PSMB1: variants seen among roughly 807,000 people sequenced by gnomAD.
The protein encoded by PSMB1 is proteasome 20S subunit beta 1, also known as proteasome subunit beta type-1.
A neutral mutation model predicts 25.4 loss-of-function variants in PSMB1; 7 were observed. That is an observed-to-expected ratio of 0.28 (90% CI 0.16 to 0.52). The LOEUF is 0.52. PSMB1 is among the 20% of genes least tolerant of loss of function. The probability of loss-of-function intolerance (pLI) is 0.97; values close to 1 mark genes in which losing one functional copy is unlikely to be tolerated. For synonymous variants in PSMB1, 119 were observed against 115.0 expected, an observed-to-expected ratio of 1.03 and a Z score of -0.22; for missense variants, 284 against 302.2, an observed-to-expected ratio of 0.94 and a Z score of 0.45.
At chr6:170,538,621 C>T (rs1778721842) in intron 4 of PSMB1, among the ~76,000 whole-genome samples, 1 of 152,188 alleles carries the variant, frequency 6.6e-6, no homozygotes, top group African/African-American at 2.4e-5. Context: ...ATCGCTTGAA[C>T]CCAGGAGGCG....
chr6:170,552,716 G>C (rs1055489045), intron 1 of PSMB1, among the ~76,000 whole-genome samples: 2 of 152,186 alleles, frequency 1.3e-5, no homozygotes, highest in African/African-American at 4.8e-5. Context: ...AGTTTCAGAC[G>C]CTAACCCTCT....
At chr6:170,535,539 G>C (rs1778679872) in intron 5 of PSMB1, 134 bp from the exon 6 acceptor site, 2 of 785,796 alleles carry the variant, frequency 2.5e-6, no homozygotes, top group Admixed American at 2.8e-5. Flanking sequence ...ATGTCCTTCA[G>C]ACTGAATAAA....
chr6:170,538,178 G>A lies in PSMB1; in HGVS notation c.434-838C>T, dbSNP rs187909379. 2.0e-5 allele frequency among the ~76,000 whole-genome samples: 3 copies of A among 152,286 alleles called. No homozygotes were observed. The East Asian group carries it at 5.8e-4, about 29-fold the overall frequency. ...CTATCTTATTTGAGTTTGTTACAAA[G>A]AACACAGGTGATTCTACAATCGTTA... On this transcript the variant is annotated intron_variant, in intron 4 of 5. Coordinates refer to ENST00000262193, the MANE Select transcript of PSMB1 (RefSeq NM_002793.4).
intron 1 of PSMB1, 124 bp from the exon 2 acceptor site, chr6:170,549,237 G>A: frequency 1.9e-6 from 1 of 524,094 alleles, no homozygotes; most frequent in East Asian, 3.1e-5. Flanking sequence ...TGATTCAAAT[G>A]GGAAGAGGAA....
chr6:170,545,391 TGTAA>T (rs1173649422), intron 3 of PSMB1, among the ~76,000 whole-genome samples: 48 of 152,334 alleles, frequency 3.2e-4, no homozygotes, highest in African/African-American at 1.1e-3. Context: ...TGGCTTTCAA[TGTAA>T]GTTTCTAAAA....
chr6:170,550,665 A>C (rs1778881816), intron 1 of PSMB1, among the ~76,000 whole-genome samples: 1 of 152,352 alleles, frequency 6.6e-6, no homozygotes, highest in African/African-American at 2.4e-5. Flanking sequence ...CACTGTTCTA[A>C]TACTACTAAT....
intron 2 of PSMB1, among the ~76,000 whole-genome samples, chr6:170,546,809 A>T (rs1368478536): frequency 6.6e-6 from 1 of 152,198 alleles, no homozygotes; most frequent in East Asian, 1.9e-4. Flanking sequence ...GCCACACAGA[A>T]AAATTTCATA....
intron 5 of PSMB1, among the ~76,000 whole-genome samples, chr6:170,536,693 T>C (rs937519394): frequency 1.4e-4 from 22 of 152,220 alleles, no homozygotes; most frequent in African/African-American, 5.1e-4. Flanking sequence ...ACATAATACA[T>C]ATGTAAAATA....
intron 4 of PSMB1, among the ~76,000 whole-genome samples, chr6:170,540,714 AG>A (rs1417350183): frequency 7.2e-5 from 11 of 152,268 alleles, no homozygotes; most frequent in African/African-American, 2.6e-4. Flanking sequence ...AAAACTGCAA[AG>A]AAAGTAAACA....
chr6:170,553,184 T>C lies in PSMB1; in HGVS notation c.59A>G (p.His20Arg), dbSNP rs1238254484. ...CAGCTGCAAAGGGCCCGCGGCTCTG[T>C]GCGGTTCCATCCCCAAGTCTCTGCC... ...APGRDLGMEP[H>R]RAAGPLQLRF... The change falls in exon 1 of 6, where the codon CAC becomes CGC. Residue 20 changes from histidine to arginine, a missense_variant. Coordinates refer to ENST00000262193, the MANE Select transcript of PSMB1 (RefSeq NM_002793.4). 2.5e-6 allele frequency: 4 copies of C among 1,613,918 alleles called. No homozygotes were observed. Among genetic ancestry groups the C allele is most frequent in the Non-Finnish European group, 3.4e-6 (4 of 1,179,940 alleles).
chr6:170,543,316 G>T (rs1041350387), intron 4 of PSMB1, among the ~76,000 whole-genome samples: 1 of 152,068 alleles, frequency 6.6e-6, no homozygotes, highest in Non-Finnish European at 1.5e-5. Context: ...TTCTAGGTCC[G>T]ATTTCTTTCT....
chr6:170,537,588 T>G (rs1178600516), intron 4 of PSMB1, among the ~76,000 whole-genome samples: 3 of 152,102 alleles, frequency 2.0e-5, no homozygotes, highest in Non-Finnish European at 4.4e-5. Context: ...AATCCCCGTG[T>G]TGGTGTGTTG....
chr6:170,546,481 T>C (rs1778820318), intron 2 of PSMB1, among the ~76,000 whole-genome samples: 1 of 152,194 alleles, frequency 6.6e-6, no homozygotes, highest in Admixed American at 6.5e-5. Context: ...TGACTGATTT[T>C]TGAGACGGAG....
intron 1 of PSMB1, among the ~76,000 whole-genome samples, chr6:170,550,702 G>A (rs1309534566): frequency 6.6e-6 from 1 of 152,180 alleles, no homozygotes; most frequent in Non-Finnish European, 1.5e-5. Context: ...AGGGTGAACA[G>A]TAAATCCAAA....
At chr6:170,541,608 G>A (rs576641319) in intron 4 of PSMB1, among the ~76,000 whole-genome samples, 1 of 152,074 alleles carries the variant, frequency 6.6e-6, no homozygotes, top group South Asian at 2.1e-4. Context: ...CTGTCTTAGG[G>A]CAATGGAAAA....
intron 1 of PSMB1, chr6:170,549,881 T>C (rs1304594739): frequency 2.6e-5 from 4 of 152,202 alleles, no homozygotes; most frequent in African/African-American, 9.7e-5. Context: ...CTCTAGTAAG[T>C]GTTAGCTATA....
chr6:170,539,410 CA>C (rs1291645137), intron 4 of PSMB1, among the ~76,000 whole-genome samples: 2 of 152,002 alleles, frequency 1.3e-5, no homozygotes, highest in Admixed American at 6.5e-5. Flanking sequence ...ACATTTGACA[CA>C]GTCGAATGTA....
At chr6:170,545,953 A>G (rs920314447) in intron 3 of PSMB1, 150 bp downstream of exon 3, 3 of 649,586 alleles carry the variant, frequency 4.6e-6, no homozygotes, top group Non-Finnish European at 7.9e-6. Context: ...TGCATTAATG[A>G]TATCATTTCA....
At position 170,535,140 on chromosome 6, in the gene PSMB1, A is replaced by G; in HGVS notation, c.*80T>C. On this transcript the variant is annotated 3_prime_UTR_variant, in exon 6 of 6. Transcript: ENST00000262193. ...ATGAGTACTTCAGGTTTCTCTTTTA[A>G]TAAACAAAACCATCCAAGGTACAGT... 1 of 1,322,374 alleles carries G rather than the reference A, an allele frequency of 7.6e-7. No individual in the cohort carries two copies. Among genetic ancestry groups the G allele is most frequent in the Non-Finnish European group, 1.0e-6 (1 of 981,478 alleles). 81.9% of individuals were successfully genotyped at this position (1,322,374 alleles called of 1,614,324 possible).
Sources: allele counts gnomAD v4.1 joint callset (sites outside exome capture counted in the v4.1 genomes callset), GRCh38; gene constraint gnomAD v4.1.1; transcripts MANE v1.5; gene names NCBI Gene and HGNC (gene_info 2026-07-23, HGNC 2026-07-21).